Variants in KANK1 observed in about 807,000 individuals in gnomAD.
The protein encoded by KANK1 is KN motif and ankyrin repeat domain-containing protein 1.
KANK1 carries 109 observed loss-of-function variants against 106.2 expected under a neutral mutation model. The observed-to-expected ratio is 1.03, with a 90% confidence interval of 0.88 to 1.20. The LOEUF (loss-of-function observed/expected upper bound fraction) is 1.20, where lower values mean the gene tolerates loss of function less well. Among genes scored for constraint, KANK1 ranks in the 50% most tolerant of loss-of-function variants. The probability of loss-of-function intolerance (pLI) is 0.00; values close to 1 mark genes in which losing one functional copy is unlikely to be tolerated. For missense variants in KANK1, 2,399 were observed against 1,710.7 expected (o/e 1.40, Z -7.10); for synonymous variants, 873 against 652.2 (o/e 1.34, Z -5.16).
At chr9:604,606 C>T (rs1828620193) in intron 1 of KANK1, among the ~76,000 whole-genome samples, 3 of 151,660 alleles carry the variant, frequency 2.0e-5, no homozygotes, top group South Asian at 2.1e-4. Flanking sequence ...CCAACGCGGG[C>T]AGATCACTTG....
At chr9:604,639 C>T (rs1470272429) in intron 1 of KANK1, among the ~76,000 whole-genome samples, 1 of 151,692 alleles carries the variant, frequency 6.6e-6, no homozygotes, top group African/African-American at 2.4e-5. Context: ...CAAGACCAGT[C>T]TGGCCAACAT....
chr9:582,733 G>C (rs1822484409), intron 1 of KANK1, among the ~76,000 whole-genome samples: 1 of 152,170 alleles, frequency 6.6e-6, no homozygotes. Context: ...TGAGTAACCA[G>C]CATATTACAG....
At chr9:614,841 C>G (rs1432881721) in intron 1 of KANK1, among the ~76,000 whole-genome samples, 1 of 152,116 alleles carries the variant, frequency 6.6e-6, no homozygotes, top group African/African-American at 2.4e-5. Context: ...AGCCCATCAC[C>G]TTAAACTTCT....
intron 2 of KANK1, among the ~76,000 whole-genome samples, chr9:687,937 G>A (rs541927705): frequency 1.3e-5 from 2 of 152,314 alleles, no homozygotes; most frequent in East Asian, 3.9e-4. Flanking sequence ...GCCTTGCTTA[G>A]TAGTCCTTGT....
At chr9:640,483 C>T (rs550632190) in intron 1 of KANK1, among the ~76,000 whole-genome samples, 10 of 151,826 alleles carry the variant, frequency 6.6e-5, no homozygotes, top group South Asian at 2.1e-4. Context: ...CTGCAACCTC[C>T]GCCTCCCAGG....
At chr9:686,855 G>A in intron 2 of KANK1, 1 of 985,260 alleles carries the variant, frequency 1.0e-6, no homozygotes, top group South Asian at 4.7e-5. Context: ...ACAGCAGCTG[G>A]AATTCACAAC....
At chr9:634,367 G>A (rs556200954) in intron 1 of KANK1, among the ~76,000 whole-genome samples, 1 of 152,254 alleles carries the variant, frequency 6.6e-6, no homozygotes, top group East Asian at 1.9e-4. Context: ...TATGAGTCCT[G>A]GCTCCCGGTG....
chr9:703,086 G>A lies in KANK1; in HGVS notation c.38-7718G>A, dbSNP rs529051594. Among the ~76,000 whole-genome samples, 7 of 152,170 alleles carry A rather than the reference G, an allele frequency of 4.6e-5. No homozygotes were observed. The South Asian group carries it at 1.5e-3, about 32-fold the overall frequency. On this transcript the variant is annotated intron_variant, in intron 2 of 11. Coordinates refer to ENST00000382297, the MANE Select transcript of KANK1 (RefSeq NM_015158.5). ...GGTTCACTGTAGCCTCCGCCTCCCA[G>A]GTTCAAGCGATTCTCCTGCCTCAGC...
At chr9:564,065 T>TTC (rs1554627076) in intron 1 of KANK1, among the ~76,000 whole-genome samples, 1 of 150,178 alleles carries the variant, frequency 6.7e-6, no homozygotes, top group African/African-American at 2.4e-5. Context: ...TTTCTTTCTT[T>TTC]TTTTTTTTTT....
intron 1 of KANK1, among the ~76,000 whole-genome samples, chr9:531,613 G>A (rs1248782051): frequency 6.6e-6 from 1 of 152,156 alleles, no homozygotes; most frequent in South Asian, 2.1e-4. Flanking sequence ...TGCAACTCTT[G>A]GTCCAGTCTC....
At position 585,678 on chromosome 9, in the gene KANK1, A is replaced by C. The variant is rs140019268; in HGVS notation, c.-84+80924A>C. Among the ~76,000 whole-genome samples the C allele has an allele frequency of 8.5e-5, 13 of 152,314 alleles. No individual in the cohort carries two copies. The East Asian group carries it at 2.1e-3, about 25-fold the overall frequency. ...GAAGAGTAGACAATAATGTTAAGGCATTGTGTGAGGGTTAAATTGTTTGCG... is the reference window on the plus strand; with the variant it reads ...GAAGAGTAGACAATAATGTTAAGGCCTTGTGTGAGGGTTAAATTGTTTGCG... On this transcript the variant is annotated intron_variant, in intron 1 of 11. Coordinates refer to ENST00000382297, the MANE Select transcript of KANK1 (RefSeq NM_015158.5).
At chr9:708,587 ACTTT>A (rs752377096) in intron 2 of KANK1, among the ~76,000 whole-genome samples, 3 of 152,098 alleles carry the variant, frequency 2.0e-5, no homozygotes, top group African/African-American at 7.2e-5. Flanking sequence ...TTATTTTTGT[ACTTT>A]CTTTCCAACA....
intron 1 of KANK1, among the ~76,000 whole-genome samples, chr9:632,627 C>G (rs1048987072): frequency 2.0e-5 from 3 of 152,106 alleles, no homozygotes; most frequent in African/African-American, 7.2e-5. Flanking sequence ...GAGGATTTAT[C>G]TTGTAATTGA....
At chr9:607,825 G>A (rs930353023) in intron 1 of KANK1, among the ~76,000 whole-genome samples, 2 of 151,636 alleles carry the variant, frequency 1.3e-5, no homozygotes. Context: ...CGCCGAAATG[G>A]ATGTGGTGGT....
intron 2 of KANK1, chr9:693,694 C>T (rs969725799): frequency 6.1e-6 from 6 of 985,204 alleles, no homozygotes; most frequent in African/African-American, 1.7e-5. Flanking sequence ...TCTTTGCCTG[C>T]TAATGTGTGG....
Position 734,605 on chromosome 9 carries a change from G to T in KANK1, c.3246-143G>T. The stretch of plus-strand genomic sequence containing the variant: ...TGCTTGAATCCAGGAGGCGGAGGTT[G>T]CAGTGAGCCAAGATCATGCCACTGC... On this transcript the variant is annotated intron_variant, in intron 6 of 11. Coordinates refer to ENST00000382297, the MANE Select transcript of KANK1 (RefSeq NM_015158.5). 5 of 556,080 alleles carry T rather than the reference G, an allele frequency of 9.0e-6. No homozygotes were observed. In the East Asian group the frequency reaches 1.6e-4, roughly 18 times the overall value. 34.4% of individuals were successfully genotyped at this position (556,080 alleles called of 1,614,324 possible).
chr9:488,635 A>C (rs895260361), intron 3 of KANK1, among the ~76,000 whole-genome samples: 4 of 152,196 alleles, frequency 2.6e-5, no homozygotes, highest in Admixed American at 2.6e-4. Context: ...TGAATCAGTC[A>C]ATGTAATCAA....
intron 1 of KANK1, among the ~76,000 whole-genome samples, chr9:543,987 TA>T (rs2060773580): frequency 6.6e-6 from 1 of 152,110 alleles, no homozygotes; most frequent in Admixed American, 6.5e-5. Flanking sequence ...TTAGTAAATA[TA>T]ACATTTCATG....
chr9:635,238 T>C (rs1428640863), intron 1 of KANK1, among the ~76,000 whole-genome samples: 1 of 152,112 alleles, frequency 6.6e-6, no homozygotes, highest in African/African-American at 2.4e-5. Context: ...CCAAACCTGC[T>C]CTCTGCCCCT....
Sources: allele counts gnomAD v4.1 joint callset (sites outside exome capture counted in the v4.1 genomes callset), GRCh38; gene constraint gnomAD v4.1.1; transcripts MANE v1.5; gene names NCBI Gene and HGNC (gene_info 2026-07-23, HGNC 2026-07-21).